EMCN: variants seen among roughly 807,000 people sequenced by gnomAD.
EMCN encodes the protein MUC-14.
In EMCN, 37 loss-of-function variants were observed where a neutral mutation model predicts 38.4. The observed-to-expected ratio is 0.96, with a 90% confidence interval of 0.74 to 1.27. The LOEUF is 1.27. EMCN is among the 50% of genes most tolerant of loss of function. The probability of loss-of-function intolerance (pLI) is 0.00; values close to 1 mark genes in which losing one functional copy is unlikely to be tolerated. For missense variants in EMCN, 318 were observed against 302.8 expected (o/e 1.05, Z -0.37); for synonymous variants, 95 against 100.8 (o/e 0.94, Z 0.35).
chr4:100,457,190 TTGTGTGTGTG>T (rs58939159), intron 4 of EMCN, among the ~76,000 whole-genome samples: 5 of 108,072 alleles, frequency 4.6e-5, no homozygotes, highest in African/African-American at 1.8e-4. Flanking sequence ...TATAGTTTGG[TTGTGTGTGTG>T]TGTGTGTGTG....
At chr4:100,509,830 A>G (rs1729580832) in intron 1 of EMCN, among the ~76,000 whole-genome samples, 1 of 152,216 alleles carries the variant, frequency 6.6e-6, no homozygotes, top group Non-Finnish European at 1.5e-5. Context: ...CTAGTAAGGG[A>G]AAATTCTGAA....
chr4:100,403,558 T>C (rs190631664), intron 11 of EMCN, among the ~76,000 whole-genome samples: 1 of 152,110 alleles, frequency 6.6e-6, no homozygotes, highest in Admixed American at 6.6e-5. Flanking sequence ...GATTTGGTAG[T>C]AAAACAATTT....
rs59162117 is a variant in EMCN at position 100,475,302 on chromosome 4, TACACACACAC to T, written c.188-203_188-194del. Among the ~76,000 whole-genome samples, 30 of 143,040 alleles carry T rather than the reference TACACACACAC, an allele frequency of 2.1e-4. No individual in the cohort carries two copies. The Admixed American group carries it at 2.1e-3, about 10-fold the overall frequency. 93.8% of individuals were successfully genotyped at this position (143,040 alleles called of 152,430 possible). A position where few individuals can be genotyped will look rare whatever the true frequency, so the allele number is the denominator to read the frequency against. On this transcript the variant is annotated intron_variant, in intron 2 of 11. Coordinates refer to ENST00000296420, the MANE Select transcript of EMCN (RefSeq NM_016242.4). ...ATGTATATTAAATATTTGGGTGGCC[TACACACACAC>T]ACACACACACACACACACACACATT...
intron 5 of EMCN, among the ~76,000 whole-genome samples, chr4:100,426,430 A>G (rs930558643): frequency 6.6e-6 from 1 of 152,066 alleles, no homozygotes; most frequent in African/African-American, 2.4e-5. Context: ...GCTTCTGCTC[A>G]GCATCCCCGT....
intron 1 of EMCN, among the ~76,000 whole-genome samples, chr4:100,481,450 GAA>G (rs1205001196): frequency 6.6e-6 from 1 of 152,076 alleles, no homozygotes; most frequent in African/African-American, 2.4e-5. Flanking sequence ...AGCACATAGA[GAA>G]AAGTGTTCAG....
At chr4:100,517,257 C>A (rs1167695429) in intron 1 of EMCN, among the ~76,000 whole-genome samples, 1 of 151,940 alleles carries the variant, frequency 6.6e-6, no homozygotes, top group Non-Finnish European at 1.5e-5. Flanking sequence ...AAATGTTATG[C>A]AAAATGTATG....
At chr4:100,497,434 TA>T (rs906364461) in intron 1 of EMCN, among the ~76,000 whole-genome samples, 2 of 151,984 alleles carry the variant, frequency 1.3e-5, no homozygotes, top group African/African-American at 2.4e-5. Context: ...TGGAGTGCAG[TA>T]GCCCAATCTC....
At chr4:100,407,258 G>A (rs1466998094) in intron 11 of EMCN, among the ~76,000 whole-genome samples, 1 of 152,108 alleles carries the variant, frequency 6.6e-6, no homozygotes, top group Non-Finnish European at 1.5e-5. Context: ...ATTTGATCCT[G>A]TCATTCTGTT....
chr4:100,512,911 A>T (rs1343264081), intron 1 of EMCN, among the ~76,000 whole-genome samples: 2 of 152,160 alleles, frequency 1.3e-5, no homozygotes, highest in Non-Finnish European at 2.9e-5. Context: ...ATTACTAAGA[A>T]AAAAAGAATG....
At chr4:100,502,266 T>G (rs1012664496) in intron 1 of EMCN, among the ~76,000 whole-genome samples, 4 of 152,218 alleles carry the variant, frequency 2.6e-5, no homozygotes, top group African/African-American at 4.8e-5. Context: ...TACCTGCACA[T>G]GTGGCAAGAA....
In EMCN at chr4:100,433,453, T is replaced by C. The variant is rs577967414; in HGVS notation, c.416-10049A>G. On this transcript the variant is annotated intron_variant, in intron 5 of 11. Coordinates refer to ENST00000296420, the MANE Select transcript of EMCN (RefSeq NM_016242.4). ...GTGGTAATTTCATATCCTCTGGGTATATGCCCAGAAAAAGGGATTGATTGA... is the reference window on the plus strand; with the variant it reads ...GTGGTAATTTCATATCCTCTGGGTACATGCCCAGAAAAAGGGATTGATTGA... 2.6e-5 allele frequency among the ~76,000 whole-genome samples: 4 copies of C among 152,330 alleles called. No homozygotes were observed. The South Asian group carries it at 8.3e-4, about 32-fold the overall frequency.
At chr4:100,455,205 C>T (rs1181956964) in intron 4 of EMCN, among the ~76,000 whole-genome samples, 2 of 151,840 alleles carry the variant, frequency 1.3e-5, no homozygotes, top group Non-Finnish European at 2.9e-5. Context: ...TAGTTATAAC[C>T]TTTCTCTCAT....
chr4:100,405,981 A>G (rs1172362810), intron 11 of EMCN, among the ~76,000 whole-genome samples: 1 of 151,630 alleles, frequency 6.6e-6, no homozygotes, highest in Non-Finnish European at 1.5e-5. Context: ...GAATTTATCT[A>G]TTTCTTTTAG....
intron 2 of EMCN, among the ~76,000 whole-genome samples, chr4:100,479,005 A>G (rs1728734599): frequency 6.6e-6 from 1 of 152,164 alleles, no homozygotes; most frequent in Admixed American, 6.6e-5. Flanking sequence ...TAATCAAACA[A>G]TGCAGAAATA....
Position 100,448,795 on chromosome 4 carries a change from T to TTTTCTTTCCTTCCTTCCTTCCTTC in EMCN, c.377-1225_377-1224insGAAGGAAGGAAGGAAGGAAAGAAA, listed in dbSNP as rs58028381. 2.5e-3 allele frequency among the ~76,000 whole-genome samples: 287 copies of TTTTCTTTCCTTCCTTCCTTCCTTC among 114,394 alleles called. 16 individuals carry two copies. Among genetic ancestry groups the TTTTCTTTCCTTCCTTCCTTCCTTC allele is most frequent in the African/African-American group, 8.7e-3 (264 of 30,514 alleles). The allele number at this position is 114,394 out of a possible 152,430, so 75.0% of individuals were successfully genotyped here. On this transcript the variant is annotated intron_variant, in intron 4 of 11. Coordinates refer to ENST00000296420, the MANE Select transcript of EMCN (RefSeq NM_016242.4). ...GCACAAGGCCCTTTCTGCCTTGAAG[T>TTTTCTTTCCTTCCTTCCTTCCTTC]CTTCCTTCCTTCCTTCCTTCCTTCC... is the stretch of plus-strand genomic sequence containing the variant.
chr4:100,423,471 G>A (rs967893974), intron 5 of EMCN, 67 bp from the exon 6 acceptor site: 14 of 1,112,258 alleles, frequency 1.3e-5, no homozygotes, highest in Admixed American at 1.7e-5. Flanking sequence ...TTTCTTTGCA[G>A]ATTCAAACAG....
chr4:100,427,673 A>G (rs573380666), intron 5 of EMCN, among the ~76,000 whole-genome samples: 1 of 152,090 alleles, frequency 6.6e-6, no homozygotes, highest in East Asian at 1.9e-4. Flanking sequence ...ATTTATTTGG[A>G]GATTTCATTC....
At chr4:100,493,006 AG>A (rs1446163092) in intron 1 of EMCN, among the ~76,000 whole-genome samples, 1 of 152,208 alleles carries the variant, frequency 6.6e-6, no homozygotes, top group Non-Finnish European at 1.5e-5. Flanking sequence ...ACATATAAAA[AG>A]TTAAGAAGTA....
chr4:100,507,549 G>T (rs1290822776), intron 1 of EMCN, among the ~76,000 whole-genome samples: 2 of 152,098 alleles, frequency 1.3e-5, no homozygotes, highest in African/African-American at 4.8e-5. Flanking sequence ...AGCTTTAATG[G>T]CAAGAAGGAA....
Sources: allele counts gnomAD v4.1 joint callset (sites outside exome capture counted in the v4.1 genomes callset), GRCh38; gene constraint gnomAD v4.1.1; transcripts MANE v1.5; gene names NCBI Gene and HGNC (gene_info 2026-07-23, HGNC 2026-07-21).